Variants in DPP10 observed in about 807,000 individuals in gnomAD.
DPP10 encodes dipeptidyl peptidase like 10.
A neutral mutation model predicts 120.9 loss-of-function variants in DPP10; 33 were observed. That is an observed-to-expected ratio of 0.27 (90% CI 0.21 to 0.37). The LOEUF is 0.37. Among genes scored for constraint, DPP10 ranks in the 10% least tolerant of loss-of-function variants. DPP10 has a pLI of 1.00. For synonymous variants in DPP10, 337 were observed against 326.1 expected (o/e 1.03, Z -0.36); for missense variants, 816 against 942.8 (o/e 0.87, Z 1.76).
chr2:115,149,975 T>A lies in DPP10; in HGVS notation c.61-159264T>A, dbSNP rs189631188. 1.2e-4 allele frequency among the ~76,000 whole-genome samples: 18 copies of A among 152,274 alleles called. No individual in the cohort carries two copies. In the East Asian group the frequency reaches 3.3e-3, roughly 28 times the overall value. On this transcript the variant is annotated intron_variant, in intron 1 of 25. Coordinates refer to ENST00000410059, the MANE Select transcript of DPP10 (RefSeq NM_020868.6). ...TGCAAGTGGATGTGCAAGAGAGTTA[T>A]TGGAGAAAATGCCTGTGAGGGAATA...
Position 114,442,807 on chromosome 2 carries a change from ACAT to A in DPP10, c.32_34del (p.Ile11del), listed in dbSNP as rs746578116. ...AACCAAACTGCCAGCGTGTCCCATC[ACAT>A]CAAGTGTCAACCCTCAAAAACAATC... On this transcript the variant is annotated inframe_deletion, in exon 1 of 26. Transcript: ENST00000410059. The A allele has an allele frequency of 3.7e-6, 6 of 1,613,460 alleles. No homozygotes were observed. In the South Asian group the frequency reaches 6.6e-5, roughly 18 times the overall value.
At chr2:114,752,950 G>A (rs1335199816) in intron 1 of DPP10, among the ~76,000 whole-genome samples, 7 of 152,116 alleles carry the variant, frequency 4.6e-5, no homozygotes, top group Non-Finnish European at 1.0e-4. Context: ...ACCCACTCAC[G>A]GGCAGCACTG....
At chr2:114,853,363 A>C (rs192157463) in intron 1 of DPP10, among the ~76,000 whole-genome samples, 2 of 152,300 alleles carry the variant, frequency 1.3e-5, no homozygotes, top group Middle Eastern at 3.4e-3. Context: ...ACTATGATAT[A>C]CATCAGCAAG....
At chr2:115,577,298 G>C (rs900785174) in intron 5 of DPP10, among the ~76,000 whole-genome samples, 1 of 152,164 alleles carries the variant, frequency 6.6e-6, no homozygotes, top group Admixed American at 6.5e-5. Flanking sequence ...GCGATAAAAT[G>C]AGTGTGATCC....
At chr2:114,711,081 G>GA (rs70937299) in intron 1 of DPP10, among the ~76,000 whole-genome samples, 13,085 of 151,060 alleles carry the variant, frequency 0.087, 779 homozygotes, top group East Asian at 0.27. Flanking sequence ...AGCAGGGCAA[G>GA]AAAAAAAAAG....
At chr2:115,295,392 A>G (rs1559379846) in intron 1 of DPP10, among the ~76,000 whole-genome samples, 1 of 152,130 alleles carries the variant, frequency 6.6e-6, no homozygotes, top group African/African-American at 2.4e-5. Flanking sequence ...CCAGAATACT[A>G]CTTTTCTGCA....
At chr2:115,063,775 A>G (rs1706611305) in intron 1 of DPP10, among the ~76,000 whole-genome samples, 1 of 152,208 alleles carries the variant, frequency 6.6e-6, no homozygotes, top group African/African-American at 2.4e-5. Context: ...CTCAAGATGG[A>G]TTAAAGACTT....
At chr2:115,275,694 T>C (rs1207562731) in intron 1 of DPP10, among the ~76,000 whole-genome samples, 1 of 101,530 alleles carries the variant, frequency 9.8e-6, no homozygotes, top group East Asian at 3.1e-4. Flanking sequence ...TAAATTTCTT[T>C]TCTTTTCTTT....
intron 19 of DPP10, among the ~76,000 whole-genome samples, chr2:115,800,689 G>A (rs1469953087): frequency 6.6e-6 from 1 of 152,314 alleles, no homozygotes; most frequent in Non-Finnish European, 1.5e-5. Context: ...TTGTTAAATA[G>A]GGAATCCTTT....
In DPP10 at chr2:115,187,240, G is replaced by A. The variant is rs570096497; in HGVS notation, c.61-121999G>A. ...TTTAGTAGAGACGGGGTTTCACCTTGTTAGCCAGGATGGTCTCGATCTCCT... is the reference window on the plus strand; with the variant it reads ...TTTAGTAGAGACGGGGTTTCACCTTATTAGCCAGGATGGTCTCGATCTCCT... On this transcript the variant is annotated intron_variant, in intron 1 of 25. Transcript: ENST00000410059. 1.0e-3 allele frequency among the ~76,000 whole-genome samples: 158 copies of A among 150,736 alleles called. No homozygotes were observed. The Middle Eastern group carries it at 0.014, about 13-fold the overall frequency.
chr2:114,563,646 A>G (rs899747518), intron 1 of DPP10, among the ~76,000 whole-genome samples: 3 of 152,206 alleles, frequency 2.0e-5, no homozygotes, highest in African/African-American at 7.2e-5. Flanking sequence ...AATGATTAAG[A>G]TGAACAAACC....
At chr2:115,343,237 A>G (rs1267295442) in intron 2 of DPP10, among the ~76,000 whole-genome samples, 2 of 152,194 alleles carry the variant, frequency 1.3e-5, no homozygotes, top group African/African-American at 4.8e-5. Context: ...AAATGTGTGT[A>G]TTATCATTAA....
chr2:114,955,282 G>A (rs1416343076), intron 1 of DPP10, among the ~76,000 whole-genome samples: 1 of 152,146 alleles, frequency 6.6e-6, no homozygotes, highest in Non-Finnish European at 1.5e-5. Context: ...GGTCACTCTT[G>A]TCACCATTTT....
chr2:115,789,203 C>G (rs980861676), intron 17 of DPP10, among the ~76,000 whole-genome samples: 8 of 152,022 alleles, frequency 5.3e-5, no homozygotes, highest in Non-Finnish European at 1.2e-4. Flanking sequence ...AAAAAAAGAT[C>G]AAATTTTCTC....
rs146501958 is a variant in DPP10, at chr2:115,815,002, A to G, written c.1895+15A>G. ...ACAGCTGTGAAGTAAGTGGATGCAC[A>G]TTTTTCTTCTCTGTTTTCTATAATG... On this transcript the variant is annotated intron_variant, in intron 20 of 25. Transcript: ENST00000410059. The G allele has an allele frequency of 1.2e-4, 184 of 1,570,344 alleles. 3 individuals carry two copies. In the African/African-American group the frequency reaches 2.1e-3, roughly 18 times the overall value.
intron 3 of DPP10, among the ~76,000 whole-genome samples, chr2:115,372,036 T>C (rs187676005): frequency 4.5e-4 from 68 of 152,294 alleles, no homozygotes; most frequent in Non-Finnish European, 4.6e-4. Flanking sequence ...TGGTTTTCTA[T>C]GTAATGTAAC....
intron 1 of DPP10, among the ~76,000 whole-genome samples, chr2:114,460,219 A>G (rs369278767): frequency 7.1e-6 from 1 of 141,620 alleles, no homozygotes; most frequent in African/African-American, 2.6e-5. Context: ...CTATCTATCT[A>G]TCTATTCTAA....
Position 115,770,688 on chromosome 2 carries a change from C to CA in DPP10, c.1221+2290dup, listed in dbSNP as rs558183383. On this transcript the variant is annotated intron_variant, in intron 13 of 25. Transcript: ENST00000410059. ...CTTGCCTCAATTTAAAAATAGCTAA[C>CA]AAAAAAGCTATTTATGAATTGTGTA... Among the ~76,000 whole-genome samples the CA allele has an allele frequency of 6.1e-3, 930 of 152,048 alleles. 14 individuals carry two copies. Among genetic ancestry groups the CA allele is most frequent in the African/African-American group, 0.018 (731 of 41,510 alleles).
intron 13 of DPP10, among the ~76,000 whole-genome samples, chr2:115,776,273 G>A (rs1682081728): frequency 6.6e-6 from 1 of 152,020 alleles, no homozygotes; most frequent in South Asian, 2.1e-4. Flanking sequence ...TCTACATTAG[G>A]TATTTCTCCT....
Sources: allele counts gnomAD v4.1 joint callset (sites outside exome capture counted in the v4.1 genomes callset), GRCh38; gene constraint gnomAD v4.1.1; transcripts MANE v1.5; gene names NCBI Gene and HGNC (gene_info 2026-07-23, HGNC 2026-07-21).